Variants in GPR158 observed in about 807,000 individuals in gnomAD.
The protein encoded by GPR158 is G protein-coupled receptor 158.
Under a neutral mutation model 78.2 loss-of-function variants are expected in GPR158, and 30 were observed. The observed-to-expected ratio is 0.38, with a 90% CI of 0.29 to 0.52. The LOEUF (loss-of-function observed/expected upper bound fraction) is 0.52, where lower values mean the gene tolerates loss of function less well. Among genes scored for constraint, GPR158 ranks in the 20% least tolerant of loss-of-function variants. The pLI, the probability that GPR158 is intolerant of heterozygous loss-of-function variation, is 0.83. For missense variants in GPR158, 1,463 were observed against 1,523.5 expected, an observed-to-expected ratio of 0.96 and a Z score of 0.66; for synonymous variants, 581 against 591.1, an observed-to-expected ratio of 0.98 and a Z score of 0.25.
At chr10:25,400,190 C>T (rs1834421410) in intron 3 of GPR158, among the ~76,000 whole-genome samples, 1 of 151,992 alleles carries the variant, frequency 6.6e-6, no homozygotes, top group Non-Finnish European at 1.5e-5. Flanking sequence ...ATGAATTCTA[C>T]AATAGGAGGA....
intron 2 of GPR158, among the ~76,000 whole-genome samples, chr10:25,320,555 A>G (rs1588797478): frequency 6.6e-6 from 1 of 152,206 alleles, no homozygotes. Context: ...CCTAATACAG[A>G]GATACCTTTA....
intron 2 of GPR158, among the ~76,000 whole-genome samples, chr10:25,333,782 C>T (rs1855160614): frequency 6.6e-6 from 1 of 152,018 alleles, no homozygotes; most frequent in Admixed American, 6.6e-5. Context: ...GGTTCTTTTT[C>T]CTAAGAGAAG....
At chr10:25,195,287 C>T in intron 1 of GPR158, among the ~76,000 whole-genome samples, 1 of 151,924 alleles carries the variant, frequency 6.6e-6, no homozygotes, top group South Asian at 2.1e-4. Context: ...CTCACTGCAA[C>T]CTCCTCCTCC....
intron 5 of GPR158, among the ~76,000 whole-genome samples, chr10:25,472,693 G>A (rs1835524945): frequency 6.6e-6 from 1 of 152,148 alleles, no homozygotes; most frequent in South Asian, 2.1e-4. Flanking sequence ...CTTGTAAGTT[G>A]GATTCCTAGG....
chr10:25,477,000 A>G (rs760037694), intron 5 of GPR158, among the ~76,000 whole-genome samples: 6 of 152,162 alleles, frequency 3.9e-5, no homozygotes, highest in Non-Finnish European at 7.4e-5. Flanking sequence ...AGGCAATTTT[A>G]TGTTCCAACC....
At chr10:25,334,183 A>C (rs1022757375) in intron 2 of GPR158, among the ~76,000 whole-genome samples, 2 of 152,130 alleles carry the variant, frequency 1.3e-5, no homozygotes, top group East Asian at 3.9e-4. Context: ...TAAAATGACA[A>C]TTAGAAGTTA....
At chr10:25,185,594 C>A (rs1852672307) in intron 1 of GPR158, among the ~76,000 whole-genome samples, 1 of 152,158 alleles carries the variant, frequency 6.6e-6, no homozygotes, top group African/African-American at 2.4e-5. Flanking sequence ...GATGCCAAGG[C>A]AGATGGATCA....
chr10:25,194,626 G>A (rs1275076509), intron 1 of GPR158, among the ~76,000 whole-genome samples: 2 of 152,130 alleles, frequency 1.3e-5, no homozygotes, highest in Non-Finnish European at 2.9e-5. Context: ...CATGACAGGA[G>A]AAGGAAGTAT....
chr10:25,296,954 T>C (rs1854523808), intron 2 of GPR158, among the ~76,000 whole-genome samples: 1 of 152,226 alleles, frequency 6.6e-6, no homozygotes, highest in Non-Finnish European at 1.5e-5. Context: ...TCTTTGTCAT[T>C]CTGTTTCAGC....
chr10:25,528,965 A>G (rs547985968), intron 5 of GPR158, among the ~76,000 whole-genome samples: 2 of 152,342 alleles, frequency 1.3e-5, no homozygotes, highest in East Asian at 3.9e-4. Context: ...ATCTACACAT[A>G]TACTGTCAAT....
intron 1 of GPR158, among the ~76,000 whole-genome samples, chr10:25,217,109 A>G (rs1853226548): frequency 6.6e-6 from 1 of 152,208 alleles, no homozygotes; most frequent in South Asian, 2.1e-4. Context: ...AAATCCTGGA[A>G]TGGGTACTAG....
chr10:25,301,742 G>A (rs1854598371), intron 2 of GPR158, among the ~76,000 whole-genome samples: 1 of 152,052 alleles, frequency 6.6e-6, no homozygotes, highest in Non-Finnish European at 1.5e-5. Flanking sequence ...AATCAACTTT[G>A]TCGAGGGATA....
At chr10:25,447,259 G>C (rs1358886167) in intron 4 of GPR158, among the ~76,000 whole-genome samples, 3 of 152,136 alleles carry the variant, frequency 2.0e-5, no homozygotes, top group Non-Finnish European at 4.4e-5. Flanking sequence ...ACTGGATATA[G>C]CATGTTCTTG....
At chr10:25,180,690 G>T (rs1852601080) in intron 1 of GPR158, among the ~76,000 whole-genome samples, 1 of 152,138 alleles carries the variant, frequency 6.6e-6, no homozygotes, top group African/African-American at 2.4e-5. Context: ...TACAAATGTG[G>T]AAATAGACTT....
At chr10:25,430,471 G>A (rs4431924) in intron 4 of GPR158, among the ~76,000 whole-genome samples, 98,839 of 142,488 alleles carry the variant, frequency 0.69, 35,506 homozygotes, top group Non-Finnish European at 0.8. Flanking sequence ...CATCCCCATC[G>A]AGCTACCAAT....
intron 3 of GPR158, among the ~76,000 whole-genome samples, chr10:25,396,611 C>T (rs559106274): frequency 6.6e-6 from 1 of 152,090 alleles, no homozygotes; most frequent in East Asian, 1.9e-4. Context: ...CCAGCCTGGA[C>T]AACATAGTGA....
At chr10:25,328,197 T>G (rs968047486) in intron 2 of GPR158, among the ~76,000 whole-genome samples, 5 of 152,144 alleles carry the variant, frequency 3.3e-5, no homozygotes, top group Non-Finnish European at 7.4e-5. Flanking sequence ...TATATAGATA[T>G]ACATAGAAAT....
chr10:25,598,177 T>G lies in GPR158; in HGVS notation c.2551T>G (p.Ser851Ala). 6.2e-7 allele frequency: 1 copy of G among 1,614,052 alleles called. No individual in the cohort carries two copies. Among genetic ancestry groups the G allele is most frequent in the Non-Finnish European group, 8.5e-7 (1 of 1,180,000 alleles). The change falls in exon 11 of 11, where the codon TCC becomes GCC. Residue 851 changes from serine (S) to alanine (A), a missense_variant. Ser to Ala is a moderately conservative substitution (Grantham distance 99, BLOSUM62 1). Coordinates refer to ENST00000376351, the MANE Select transcript of GPR158 (RefSeq NM_020752.3). ...EETTENSTLESLSGKKLTQKL... is the reference protein window; with the variant it reads ...EETTENSTLEALSGKKLTQKL... ...GACAACAGAAAATTCCACACTGGAA[T>G]CCCTGTCGGGTAAAAAACTAACACA...
At chr10:25,187,764 T>C (rs1360544073) in intron 1 of GPR158, among the ~76,000 whole-genome samples, 2 of 152,308 alleles carry the variant, frequency 1.3e-5, no homozygotes, top group South Asian at 2.1e-4. Flanking sequence ...TTCAACATAC[T>C]GTTGGAAGTT....
Sources: gnomAD v4.1 joint callset for allele counts (sites outside exome capture counted in the v4.1 genomes callset) on GRCh38, gnomAD v4.1.1 for gene constraint, MANE v1.5 for transcripts, NCBI Gene and HGNC (gene_info 2026-07-23, HGNC 2026-07-21) for gene names.